Variants in MRGPRF observed in about 807,000 individuals in gnomAD.
The protein encoded by MRGPRF is MAS related GPR family member F, also known as mas-related G protein-coupled receptor member F.
In MRGPRF, 2 loss-of-function variants were observed where a neutral mutation model predicts 3.3. The observed-to-expected ratio is 0.61, with a 90% CI of 0.25 to 1.92. The LOEUF is 1.92. MRGPRF is among the 40% of genes most tolerant of loss of function. The pLI is 0.16. For synonymous variants in MRGPRF, 242 were observed against 222.7 expected (o/e 1.09, Z -0.77); for missense variants, 500 against 476.0 (o/e 1.05, Z -0.47).
rs1052004685 is a variant in MRGPRF at position 69,005,620 on chromosome 11, C to T, written c.690G>A (p.Arg230=). The T allele has an allele frequency of 1.3e-6, 2 of 1,558,592 alleles. No homozygotes were observed. The highest frequency in any genetic ancestry group is 1.7e-6 in the Non-Finnish European group (2 of 1,151,724). The part of the protein sequence containing the change: ...LILHVECRAR[R]RQRSAKLNHV... ...GGTTGAGCTTGGCAGAGCGCTGGCGCCGTCGGGCCCGGCACTCCACGTGCA... is the reference window on the plus strand; with the variant it reads ...GGTTGAGCTTGGCAGAGCGCTGGCGTCGTCGGGCCCGGCACTCCACGTGCA... Residue 230 remains arginine, a synonymous_variant, in exon 3 of 3, where the codon CGG becomes CGA. Coordinates refer to ENST00000309099, the MANE Select transcript of MRGPRF (RefSeq NM_145015.5).
chr11:69,010,912 C>T (rs1391633294), intron 1 of MRGPRF, among the ~76,000 whole-genome samples: 1 of 152,150 alleles, frequency 6.6e-6, no homozygotes, highest in Non-Finnish European at 1.5e-5. Context: ...CCCCGTGAAG[C>T]CCTGTGCCCC....
chr11:69,006,049 G>C lies in MRGPRF; in HGVS notation c.261C>G (p.Ser87Arg), dbSNP rs774832812. The change falls in exon 3 of 3, where the codon AGC (serine) becomes AGG (arginine). Residue 87 changes from serine (S) to arginine (R), a missense_variant. Ser to Arg is a moderately radical substitution (Grantham distance 110, BLOSUM62 -1). Transcript: ENST00000309099. ...TGCTGAAGAGGTAGCCCACATCGGCGCTGGCCAGGTGCAGGAAGTAGATGG... is the reference window on the plus strand; with the variant it reads ...TGCTGAAGAGGTAGCCCACATCGGCCCTGGCCAGGTGCAGGAAGTAGATGG... Reference protein sequence around the residue: ...PFSIYFLHLASADVGYLFSKA... With the variant: ...PFSIYFLHLARADVGYLFSKA... 1 of 1,588,792 alleles carries C rather than the reference G, an allele frequency of 6.3e-7. No individual in the cohort carries two copies. Among genetic ancestry groups the C allele is most frequent in the African/African-American group, 1.3e-5 (1 of 74,384 alleles).
chr11:69,010,221 C>T (rs1380465240), intron 1 of MRGPRF, among the ~76,000 whole-genome samples: 3 of 152,268 alleles, frequency 2.0e-5, no homozygotes, highest in African/African-American at 7.2e-5. Context: ...CTCTCCTTTC[C>T]CTTTTCTTGT....
chr11:69,009,879 TC>T lies in MRGPRF; in HGVS notation c.22del (p.Glu8ArgfsTer14). On this transcript the variant is annotated frameshift_variant, in exon 2 of 3. Transcript: ENST00000309099. LOFTEE classifies it low-confidence loss of function (END_TRUNC). ...CTTGTTCCTGTTGCCGGGATGGGCC[TC>T]CCAGGAGCAGTTTCCAGCCATCTCC... MAGNCSW[E>X]AHPGNRNKMC... The T allele has an allele frequency of 6.2e-7, 1 of 1,609,122 alleles. No homozygotes were observed.
rs1172199421 is a variant in MRGPRF, at chr11:69,005,919, C to T, written c.391G>A (p.Val131Met). 3 of 1,574,296 alleles carry T rather than the reference C, an allele frequency of 1.9e-6. No homozygotes were observed. The highest frequency in any genetic ancestry group is 2.3e-5 in the East Asian group (1 of 43,286). ...VLGLCMFLTG[V>M]SLLPAVSAER... Reference sequence around the variant, plus strand: ...GCGCTGACGGCCGGCAGGAGGCTCACGCCGGTAAGGAACATGCAGAGCCCC... The same window carrying T: ...GCGCTGACGGCCGGCAGGAGGCTCATGCCGGTAAGGAACATGCAGAGCCCC... The change falls in exon 3 of 3, where the codon GTG becomes ATG. Residue 131 changes from valine to methionine, a missense_variant. Physicochemically the swap from Val to Met is conservative, Grantham distance 21. Coordinates refer to ENST00000309099, the MANE Select transcript of MRGPRF (RefSeq NM_145015.5).
Position 69,004,945 on chromosome 11 carries a change from A to G in MRGPRF, c.*333T>C. 1 of 277,298 alleles carries G rather than the reference A, an allele frequency of 3.6e-6. No homozygotes were observed. Among genetic ancestry groups the G allele is most frequent in the Non-Finnish European group, 6.8e-6 (1 of 147,926 alleles). The allele number at this position is 277,298 out of a possible 1,614,324, so 17.2% of individuals were successfully genotyped here. ...CAAGGAGGGCTGACCCAAGAGGCAG[A>G]GGTGGCTAGGCTGGGTGTTGACCTC... On this transcript the variant is annotated 3_prime_UTR_variant, in exon 3 of 3. Coordinates refer to ENST00000309099, the MANE Select transcript of MRGPRF (RefSeq NM_145015.5).
chr11:69,004,944 G>C lies in MRGPRF; in HGVS notation c.*334C>G, dbSNP rs2154012336. The C allele has an allele frequency of 3.6e-6, 1 of 279,536 alleles. No individual in the cohort carries two copies. The highest frequency in any genetic ancestry group is 2.2e-5 in the African/African-American group (1 of 45,148). 17.3% of individuals were successfully genotyped at this position (279,536 alleles called of 1,614,324 possible). Reference sequence around the variant, plus strand: ...TCAAGGAGGGCTGACCCAAGAGGCAGAGGTGGCTAGGCTGGGTGTTGACCT... The same window carrying C: ...TCAAGGAGGGCTGACCCAAGAGGCACAGGTGGCTAGGCTGGGTGTTGACCT... On this transcript the variant is annotated 3_prime_UTR_variant, in exon 3 of 3. Transcript: ENST00000309099.
chr11:69,010,346 G>A (rs894167411), intron 1 of MRGPRF, among the ~76,000 whole-genome samples: 2 of 152,248 alleles, frequency 1.3e-5, no homozygotes, highest in Non-Finnish European at 2.9e-5. Flanking sequence ...CCCAGCAATC[G>A]GTCCCAGAAG....
Position 69,006,045 on chromosome 11 carries a change from C to T in MRGPRF, c.265G>A (p.Asp89Asn), listed in dbSNP as rs769181378. 7.6e-6 allele frequency: 12 copies of T among 1,585,130 alleles called. No individual in the cohort carries two copies. Among genetic ancestry groups the T allele is most frequent in the Admixed American group, 3.6e-5 (2 of 54,864 alleles). The change falls in exon 3 of 3, where the codon GAT becomes AAT. Residue 89 changes from aspartate to asparagine, a missense_variant. Physicochemically the swap from Asp to Asn is conservative, Grantham distance 23. Transcript: ENST00000309099. ...SIYFLHLASA[D>N]VGYLFSKAVF... ...GCCTTGCTGAAGAGGTAGCCCACAT[C>T]GGCGCTGGCCAGGTGCAGGAAGTAG... is the stretch of plus-strand genomic sequence containing the variant.
chr11:69,008,128 C>A (rs139586009), intron 2 of MRGPRF, among the ~76,000 whole-genome samples: 4 of 152,114 alleles, frequency 2.6e-5, no homozygotes, highest in African/African-American at 9.7e-5. Context: ...CGTCCTCCCC[C>A]GCTCCCTGGA....
chr11:69,006,266 G>T lies in MRGPRF; in HGVS notation c.49-5C>A. 1 of 1,602,108 alleles carries T rather than the reference G, an allele frequency of 6.2e-7. No homozygotes were observed. The highest frequency in any genetic ancestry group is 2.2e-5 in the East Asian group (1 of 44,690). On this transcript the variant is annotated splice_region_variant and splice_polypyrimidine_tract_variant and intron_variant, in intron 2 of 2. Coordinates refer to ENST00000309099, the MANE Select transcript of MRGPRF (RefSeq NM_145015.5). ...CTCGCTCAGGCCAGGGCACATCTGC[G>T]CAGGTGCAGAGAGGGACACCTGTGA... is the stretch of plus-strand genomic sequence containing the variant.
intron 1 of MRGPRF, among the ~76,000 whole-genome samples, chr11:69,010,934 G>A (rs1782821312): frequency 6.6e-6 from 1 of 152,138 alleles, no homozygotes; most frequent in African/African-American, 2.4e-5. Context: ...TCCCCGCAGA[G>A]AAGCATCTAT....
intron 2 of MRGPRF, among the ~76,000 whole-genome samples, chr11:69,007,941 C>T (rs1238856440): frequency 1.3e-5 from 2 of 152,202 alleles, no homozygotes; most frequent in Admixed American, 6.5e-5. Context: ...AGCTGAGTAT[C>T]GGTCCTGCCC....
chr11:69,011,259 G>T (rs1860591170), intron 1 of MRGPRF, among the ~76,000 whole-genome samples: 1 of 152,152 alleles, frequency 6.6e-6, no homozygotes, highest in Non-Finnish European at 1.5e-5. Flanking sequence ...TTAACCCTGG[G>T]CCTCCCGGAG....
chr11:69,009,972 G>A lies in MRGPRF; in HGVS notation c.-56-15C>T. On this transcript the variant is annotated splice_polypyrimidine_tract_variant and intron_variant, in intron 1 of 2. Transcript: ENST00000309099. ...TGCACACCCACCTGGCAGAAGCCCA[G>A]AGAGAGGGTGGATGAGGACAGCAGG... 1 of 1,531,478 alleles carries A rather than the reference G, an allele frequency of 6.5e-7. No individual in the cohort carries two copies. The highest frequency in any genetic ancestry group is 8.8e-7 in the Non-Finnish European group (1 of 1,135,348). The allele number at this position is 1,531,478 out of a possible 1,614,324, so 94.9% of individuals were successfully genotyped here. A position where few individuals can be genotyped will look rare whatever the true frequency, so the allele number is the denominator to read the frequency against.
chr11:69,007,312 A>C (rs112244775), intron 2 of MRGPRF, among the ~76,000 whole-genome samples: 1 of 152,118 alleles, frequency 6.6e-6, no homozygotes, highest in African/African-American at 2.4e-5. Flanking sequence ...GGTTCAAGCA[A>C]TTCTCCTGCC....
Position 69,005,497 on chromosome 11 carries a change from G to A in MRGPRF, c.813C>T (p.Phe271=), listed in dbSNP as rs775241086. The A allele has an allele frequency of 5.7e-6, 9 of 1,581,280 alleles. No homozygotes were observed. Among genetic ancestry groups the A allele is most frequent in the Non-Finnish European group, 7.7e-6 (9 of 1,163,854 alleles). The change falls in exon 3 of 3, where the codon TTC becomes TTT. Residue 271 remains phenylalanine, a synonymous_variant. Transcript: ENST00000309099. ...TGCACAGGTCAGTGACGTACTCGGG[G>A]AAGGGGGCCGGGATCTGGAAGACCC... ...LFWVFQIPAP[F]PEYVTDLCIC...
Position 69,005,907 on chromosome 11 carries a change from G to A in MRGPRF, c.403C>T (p.Pro135Ser). ...CMFLTGVSLL[P>S]AVSAERCASV... ...GCGCAGCGCTCGGCGCTGACGGCCG[G>A]CAGGAGGCTCACGCCGGTAAGGAAC... The change falls in exon 3 of 3, where the codon CCG becomes TCG. Residue 135 changes from proline (P) to serine (S), a missense_variant. Physicochemically the swap from Pro to Ser is moderately conservative, Grantham distance 74. Coordinates refer to ENST00000309099, the MANE Select transcript of MRGPRF (RefSeq NM_145015.5). The A allele has an allele frequency of 6.4e-7, 1 of 1,573,708 alleles. No homozygotes were observed. Among genetic ancestry groups the A allele is most frequent in the Admixed American group, 1.9e-5 (1 of 53,090 alleles).
chr11:69,005,240 G>A lies in MRGPRF; in HGVS notation c.*38C>T. 2 of 1,454,722 alleles carry A rather than the reference G, an allele frequency of 1.4e-6. No homozygotes were observed. The highest frequency in any genetic ancestry group is 1.8e-6 in the Non-Finnish European group (2 of 1,110,054). The allele number at this position is 1,454,722 out of a possible 1,614,324, so 90.1% of individuals were successfully genotyped here. A position where few individuals can be genotyped will look rare whatever the true frequency, so the allele number is the denominator to read the frequency against. On this transcript the variant is annotated 3_prime_UTR_variant, in exon 3 of 3. Coordinates refer to ENST00000309099, the MANE Select transcript of MRGPRF (RefSeq NM_145015.5). ...TGTCCCAAGGCGAAGGGTCTTGGAG[G>A]CCGCTTCCTGCCCCTGCCTCCTCCA... is the stretch of plus-strand genomic sequence containing the variant.
Sources: allele counts gnomAD v4.1 joint callset (sites outside exome capture counted in the v4.1 genomes callset), GRCh38; gene constraint gnomAD v4.1.1; transcripts MANE v1.5; gene names NCBI Gene and HGNC (gene_info 2026-07-23, HGNC 2026-07-21).